Variants in CDH18 observed in about 807,000 individuals in gnomAD.
CDH18 encodes cadherin 18.
Under a neutral mutation model 67.9 loss-of-function variants are expected in CDH18, and 31 were observed. The observed-to-expected ratio is 0.46, with a 90% CI of 0.34 to 0.62. CDH18 has a LOEUF of 0.62. Ranked by LOEUF, CDH18 falls within the 20% of genes least tolerant of loss-of-function variation. The pLI, the probability that CDH18 is intolerant of heterozygous loss-of-function variation, is 0.01. For synonymous variants in CDH18, 362 were observed against 347.2 expected (o/e 1.04, Z -0.48); for missense variants, 890 against 975.5 (o/e 0.91, Z 1.17).
intron 5 of CDH18, among the ~76,000 whole-genome samples, chr5:19,701,686 A>C (rs1763268072): frequency 6.6e-6 from 1 of 152,020 alleles, no homozygotes; most frequent in Non-Finnish European, 1.5e-5. Context: ...TTAGAGATAA[A>C]ATTGATTTAT....
chr5:20,172,190 G>A (rs1384721210), intron 2 of CDH18, among the ~76,000 whole-genome samples: 4 of 23,326 alleles, frequency 1.7e-4, no homozygotes, highest in Non-Finnish European at 2.2e-4. Context: ...AGCATTGTGT[G>A]TATATATATA....
intron 11 of CDH18, among the ~76,000 whole-genome samples, chr5:19,497,875 G>A (rs1742606622): frequency 6.6e-6 from 1 of 152,160 alleles, no homozygotes; most frequent in South Asian, 2.1e-4. Context: ...TGTGAGCTGA[G>A]ATTGTACCTA....
At chr5:20,547,333 T>A (rs12516337) in intron 1 of CDH18, among the ~76,000 whole-genome samples, 1 of 151,678 alleles carries the variant, frequency 6.6e-6, no homozygotes, top group African/African-American at 2.4e-5. Context: ...GAGGCCGAGT[T>A]GGGCGGATCA....
chr5:20,265,112 T>C (rs1744932884), intron 1 of CDH18, among the ~76,000 whole-genome samples: 1 of 152,170 alleles, frequency 6.6e-6, no homozygotes, highest in Non-Finnish European at 1.5e-5. Context: ...CAGTTATTCA[T>C]ATTAGATTAT....
intron 1 of CDH18, among the ~76,000 whole-genome samples, chr5:20,477,779 A>T (rs1752540067): frequency 1.3e-5 from 2 of 152,196 alleles, no homozygotes; most frequent in African/African-American, 4.8e-5. Flanking sequence ...GGGTGCATAC[A>T]ACCCAGTGAG....
chr5:19,953,174 A>C (rs1236497801), intron 2 of CDH18, among the ~76,000 whole-genome samples: 1 of 152,114 alleles, frequency 6.6e-6, no homozygotes, highest in South Asian at 2.1e-4. Flanking sequence ...ACTAGATCCT[A>C]AAGTCTAGAA....
At chr5:19,851,761 G>T (rs1783731930) in intron 2 of CDH18, among the ~76,000 whole-genome samples, 1 of 151,806 alleles carries the variant, frequency 6.6e-6, no homozygotes, top group Non-Finnish European at 1.5e-5. Flanking sequence ...ATGTGTGTGT[G>T]TGTGTGTATA....
At chr5:20,157,851 A>G (rs979291781) in intron 2 of CDH18, among the ~76,000 whole-genome samples, 1 of 152,124 alleles carries the variant, frequency 6.6e-6, no homozygotes, top group East Asian at 1.9e-4. Context: ...CATGTTGGCC[A>G]GGATGGTCTC....
At position 19,848,859 on chromosome 5, in the gene CDH18, TTTTATATAGGC is replaced by T. The variant is rs1482083028; in HGVS notation, c.-256-9628_-256-9618del. On this transcript the variant is annotated intron_variant, in intron 2 of 12. Coordinates refer to ENST00000382275, the MANE Select transcript of CDH18 (RefSeq NM_004934.5). ...AGCATATAAAATGCTATATATAGCA[TTTTATATAGGC>T]TATATTATATACATATATGTATATA... Among the ~76,000 whole-genome samples, 12 of 149,970 alleles carry T rather than the reference TTTTATATAGGC, an allele frequency of 8.0e-5. 1 individual carries two copies. Among genetic ancestry groups the T allele is most frequent in the Admixed American group, 6.7e-4 (10 of 14,868 alleles).
At chr5:19,541,350 AT>A (rs892877181) in intron 9 of CDH18, among the ~76,000 whole-genome samples, 4 of 151,386 alleles carry the variant, frequency 2.6e-5, no homozygotes, top group African/African-American at 9.8e-5. Context: ...ACTTTCCCAC[AT>A]TTTTTTTATC....
intron 1 of CDH18, among the ~76,000 whole-genome samples, chr5:20,410,617 ACAT>A (rs1303398019): frequency 6.6e-6 from 1 of 151,584 alleles, no homozygotes; most frequent in African/African-American, 2.4e-5. Context: ...CATTCTTGGC[ACAT>A]TTATTTAACA....
intron 5 of CDH18, among the ~76,000 whole-genome samples, chr5:19,703,156 G>A (rs1385052781): frequency 3.3e-5 from 5 of 152,004 alleles, no homozygotes; most frequent in Admixed American, 6.6e-5. Context: ...CTCTAGCTCC[G>A]CTGGGGTAGG....
chr5:20,173,312 G>T (rs1215354306), intron 2 of CDH18, among the ~76,000 whole-genome samples: 1 of 152,056 alleles, frequency 6.6e-6, no homozygotes, highest in African/African-American at 2.4e-5. Flanking sequence ...AAACTAAAAA[G>T]CAAATCTCGG....
intron 1 of CDH18, chr5:20,304,657 C>T (rs2149975275): frequency 6.2e-7 from 1 of 1,611,516 alleles, no homozygotes; most frequent in East Asian, 2.2e-5. Flanking sequence ...ACTTGTCGCT[C>T]CTAGTGATGA....
chr5:20,408,675 A>AG (rs1746508549), intron 1 of CDH18, among the ~76,000 whole-genome samples: 1 of 151,768 alleles, frequency 6.6e-6, no homozygotes, highest in Non-Finnish European at 1.5e-5. Context: ...AGGGGAAAAA[A>AG]GTGCCTAAGA....
At chr5:20,203,612 T>A (rs2126316141) in intron 2 of CDH18, among the ~76,000 whole-genome samples, 1 of 120,506 alleles carries the variant, frequency 8.3e-6, no homozygotes, top group African/African-American at 3.8e-5. Context: ...ATTCAACAGG[T>A]AAATTACAAA....
chr5:20,311,158 G>A (rs150031353), intron 1 of CDH18, among the ~76,000 whole-genome samples: 5,307 of 152,248 alleles, frequency 0.035, 128 homozygotes, highest in Non-Finnish European at 0.046. Context: ...AGATGCTGGA[G>A]AGGATGTGGA....
intron 9 of CDH18, among the ~76,000 whole-genome samples, chr5:19,526,952 T>C (rs1054436508): frequency 2.6e-5 from 4 of 152,012 alleles, no homozygotes; most frequent in Admixed American, 2.0e-4. Flanking sequence ...TAAATGCCCA[T>C]GAGAATAAAG....
intron 2 of CDH18, among the ~76,000 whole-genome samples, chr5:19,969,257 G>T (rs75778677): frequency 0.52 from 66,335 of 128,194 alleles, 18,263 homozygotes; most frequent in Middle Eastern, 0.68. Flanking sequence ...GACTGTAAAC[G>T]AGTTCAACCA....
Sources: gnomAD v4.1 joint callset for allele counts (sites outside exome capture counted in the v4.1 genomes callset) on GRCh38, gnomAD v4.1.1 for gene constraint, MANE v1.5 for transcripts, NCBI Gene and HGNC (gene_info 2026-07-23, HGNC 2026-07-21) for gene names.